CHD9: variants seen among roughly 807,000 people sequenced by gnomAD.
The protein encoded by CHD9 is ATP-dependent chromatin remodeler CHD9.
Under a neutral mutation model 316.1 loss-of-function variants are expected in CHD9, and 77 were observed. The observed-to-expected ratio is 0.24, with a 90% CI of 0.20 to 0.29. The LOEUF (loss-of-function observed/expected upper bound fraction) is 0.29, where lower values mean the gene tolerates loss of function less well. Ranked by LOEUF, CHD9 falls within the 10% of genes least tolerant of loss-of-function variation. CHD9 has a pLI of 1.00. For missense variants in CHD9, 2,763 were observed against 3,438.1 expected (o/e 0.80, Z 4.91); for synonymous variants, 1,129 against 1,158.3 (o/e 0.97, Z 0.51).
chr16:53,293,941 G>A (rs563776753), intron 29 of CHD9, among the ~76,000 whole-genome samples: 6 of 150,456 alleles, frequency 4.0e-5, no homozygotes, highest in African/African-American at 1.2e-4. Flanking sequence ...GAGTGAGACC[G>A]TCTCAAAAGA....
At position 53,250,178 on chromosome 16, in the gene CHD9, C is replaced by G; in HGVS notation, c.3861+112C>G. 4.5e-6 allele frequency: 3 copies of G among 672,872 alleles called. No homozygotes were observed. The South Asian group carries it at 6.2e-5, about 14-fold the overall frequency. The allele number at this position is 672,872 out of a possible 1,614,324, so 41.7% of individuals were successfully genotyped here. ...TATCTGGACAAACTAATGTATGTTT[C>G]TCTATGAAATATCTGTGCCAAATAA... On this transcript the variant is annotated intron_variant, in intron 17 of 38. Coordinates refer to ENST00000447540, the MANE Select transcript of CHD9 (RefSeq NM_001308319.2).
chr16:53,285,524 C>A, intron 24 of CHD9, 72 bp from the exon 25 acceptor site: 1 of 759,382 alleles, frequency 1.3e-6, no homozygotes, highest in Non-Finnish European at 2.1e-6. Context: ...GCTTTAAAAG[C>A]TAGGTAAAAT....
intron 3 of CHD9, among the ~76,000 whole-genome samples, chr16:53,212,676 C>G (rs2046425885): frequency 6.6e-6 from 1 of 152,060 alleles, no homozygotes; most frequent in African/African-American, 2.4e-5. Flanking sequence ...TTTTACAATT[C>G]TGTGAGTTAG....
At chr16:53,170,058 TG>T (rs79572496) in intron 2 of CHD9, among the ~76,000 whole-genome samples, 4,777 of 150,292 alleles carry the variant, frequency 0.032, 95 homozygotes, top group Middle Eastern at 0.072. Flanking sequence ...TGTTTTTTTT[TG>T]TTTGTTTTTT....
intron 20 of CHD9, among the ~76,000 whole-genome samples, chr16:53,263,729 T>TA (rs947440382): frequency 1.4e-4 from 21 of 152,260 alleles, no homozygotes; most frequent in African/African-American, 4.8e-4. Context: ...CCTTTTAAAA[T>TA]GTAAAGCTTT....
At chr16:53,187,402 A>C (rs576852081) in intron 2 of CHD9, among the ~76,000 whole-genome samples, 100 of 152,248 alleles carry the variant, frequency 6.6e-4, no homozygotes, top group Middle Eastern at 3.4e-3. Flanking sequence ...TCCTAGCAGG[A>C]GGCTGAGGTG....
intron 2 of CHD9, among the ~76,000 whole-genome samples, chr16:53,161,469 C>T (rs1417849401): frequency 6.6e-6 from 1 of 151,942 alleles, no homozygotes; most frequent in Non-Finnish European, 1.5e-5. Flanking sequence ...AAATTTTTTT[C>T]TGGGTTCTTT....
At chr16:53,165,392 T>G (rs2042205192) in intron 2 of CHD9, among the ~76,000 whole-genome samples, 1 of 152,192 alleles carries the variant, frequency 6.6e-6, no homozygotes, top group Non-Finnish European at 1.5e-5. Context: ...TTGTTATAGA[T>G]GAATAAATTT....
chr16:53,215,900 A>T (rs2046719186), intron 3 of CHD9, among the ~76,000 whole-genome samples: 1 of 152,220 alleles, frequency 6.6e-6, no homozygotes, highest in Admixed American at 6.5e-5. Flanking sequence ...TACTTATCAA[A>T]TGAATTTACA....
At chr16:53,095,844 T>C (rs2036331451) in intron 1 of CHD9, among the ~76,000 whole-genome samples, 1 of 152,208 alleles carries the variant, frequency 6.6e-6, no homozygotes, top group Admixed American at 6.5e-5. Context: ...TTTATCAATT[T>C]ACAATCCCAG....
At chr16:53,072,154 T>C (rs1169589808) in intron 1 of CHD9, among the ~76,000 whole-genome samples, 5 of 152,124 alleles carry the variant, frequency 3.3e-5, no homozygotes, top group Non-Finnish European at 7.3e-5. Context: ...AGTCTGTTGT[T>C]GTCTTATCCC....
intron 3 of CHD9, among the ~76,000 whole-genome samples, chr16:53,218,097 T>C (rs1011140642): frequency 6.6e-6 from 1 of 152,112 alleles, no homozygotes; most frequent in African/African-American, 2.4e-5. Flanking sequence ...CCTTTTTAAA[T>C]AGAAAAGGCA....
intron 1 of CHD9, among the ~76,000 whole-genome samples, chr16:53,093,869 G>A (rs1451747717): frequency 6.6e-6 from 1 of 152,096 alleles, no homozygotes; most frequent in Non-Finnish European, 1.5e-5. Context: ...AGAGCCTTGA[G>A]AGCTCTGACC....
chr16:53,120,676 C>A (rs8049859), intron 1 of CHD9, among the ~76,000 whole-genome samples: 1 of 151,864 alleles, frequency 6.6e-6, no homozygotes, highest in Non-Finnish European at 1.5e-5. Context: ...TTCCATCACT[C>A]CTTAGGCTAA....
At chr16:53,070,780 C>A (rs1277044227) in intron 1 of CHD9, among the ~76,000 whole-genome samples, 1 of 152,172 alleles carries the variant, frequency 6.6e-6, no homozygotes, top group Non-Finnish European at 1.5e-5. Context: ...TCTCAAACTC[C>A]TGACCTCAAG....
chr16:53,156,985 A>G lies in CHD9; in HGVS notation c.896A>G (p.Asn299Ser). ...GCAGTTCTTGCATCTAATCATACAA[A>G]TCAGACTTTATCTGATTTTACTGGA... Reference protein sequence around the residue: ...SSAVLASNHTNQTLSDFTGSN... With the variant: ...SSAVLASNHTSQTLSDFTGSN... The change falls in exon 2 of 39, where the codon AAT becomes AGT. Residue 299 changes from asparagine (N) to serine (S), a missense_variant. Physicochemically the swap from Asn to Ser is conservative, Grantham distance 46. Around this residue, in one of 15 missense-constraint regions of CHD9, gnomAD observed 859 missense variants for 890.4 expected, o/e 0.96. Coordinates refer to ENST00000447540, the MANE Select transcript of CHD9 (RefSeq NM_001308319.2). 1.9e-6 allele frequency: 3 copies of G among 1,612,880 alleles called. No homozygotes were observed. Among genetic ancestry groups the G allele is most frequent in the African/African-American group, 2.7e-5 (2 of 75,044 alleles).
chr16:53,090,975 T>C (rs2035885030), intron 1 of CHD9, among the ~76,000 whole-genome samples: 1 of 151,468 alleles, frequency 6.6e-6, no homozygotes, highest in Non-Finnish European at 1.5e-5. Context: ...CCCTGTGTTT[T>C]GTGGTGTGGA....
At chr16:53,199,730 T>C (rs1047908416) in intron 2 of CHD9, among the ~76,000 whole-genome samples, 57 of 152,178 alleles carry the variant, frequency 3.7e-4, no homozygotes, top group African/African-American at 1.3e-3. Flanking sequence ...TAACCTACTG[T>C]AGTGTGGCTT....
chr16:53,267,816 A>G (rs1200987571), intron 21 of CHD9, 111 bp from the exon 22 acceptor site: 13 of 887,978 alleles, frequency 1.5e-5, no homozygotes, highest in Non-Finnish European at 2.2e-5. Context: ...GGGAAGACTT[A>G]ATTAGCAAAA....
Sources: gnomAD v4.1 joint callset for allele counts (sites outside exome capture counted in the v4.1 genomes callset) on GRCh38, gnomAD v4.1.1 for gene constraint, gnomAD v4.1.1 regional missense constraint, MANE v1.5 for transcripts, NCBI Gene and HGNC (gene_info 2026-07-23, HGNC 2026-07-21) for gene names.